The following TNFSF4 variants were observed in gnomAD, a reference collection of about 807,000 sequenced individuals.
The protein encoded by TNFSF4 is tumor necrosis factor ligand superfamily member 4.
Under a neutral mutation model 7.3 loss-of-function variants are expected in TNFSF4, and 4 were observed. The ratio of observed to expected loss-of-function variants is 0.55; its 90% CI spans 0.27 to 1.25. TNFSF4 has a LOEUF of 1.25. Among genes scored for constraint, TNFSF4 ranks in the 50% most tolerant of loss-of-function variants. The pLI, the probability that TNFSF4 is intolerant of heterozygous loss-of-function variation, is 0.12. For synonymous variants in TNFSF4, 76 were observed against 83.7 expected (o/e 0.91, Z 0.50); for missense variants, 181 against 208.8 (o/e 0.87, Z 0.82).
At chr1:173,356,097 T>C in the TNFSF4 span, among the ~76,000 whole-genome samples, 1 of 152,290 alleles carries the variant, frequency 6.6e-6, no homozygotes, top group South Asian at 2.1e-4. Context: ...ATTTCAGATA[T>C]TGACACATTT....
rs1167109613 is a variant in TNFSF4 at position 173,186,246 on chromosome 1, C to T, written c.*270G>A. ...GAAGAGGCATCTATTTTTTCTTTCT[C>T]ACAAAGGTGCCTAGTAGGCTCAAGG... On this transcript the variant is annotated 3_prime_UTR_variant, in exon 3 of 3. Coordinates refer to ENST00000281834, the MANE Select transcript of TNFSF4 (RefSeq NM_003326.5). 3 of 348,302 alleles carry T rather than the reference C, an allele frequency of 8.6e-6. No homozygotes were observed. The highest frequency in any genetic ancestry group is 1.6e-5 in the Non-Finnish European group (3 of 192,648). The allele number at this position is 348,302 out of a possible 1,614,324, so 21.6% of individuals were successfully genotyped here. A position where few individuals can be genotyped will look rare whatever the true frequency, so the allele number is the denominator to read the frequency against.
chr1:173,297,114 G>A, the TNFSF4 span, among the ~76,000 whole-genome samples: 1 of 151,954 alleles, frequency 6.6e-6, no homozygotes, highest in East Asian at 1.9e-4. Flanking sequence ...TAGTGGGAGA[G>A]AAAGATACAG....
the TNFSF4 span, among the ~76,000 whole-genome samples, chr1:173,393,059 G>A: frequency 2.0e-5 from 3 of 152,144 alleles, no homozygotes; most frequent in African/African-American, 4.8e-5. Context: ...TGAAGGAATC[G>A]AGGTGGAGTG....
At chr1:173,355,435 A>G in the TNFSF4 span, among the ~76,000 whole-genome samples, 2,616 of 152,302 alleles carry the variant, frequency 0.017, 84 homozygotes, top group African/African-American at 0.058. Context: ...GAGAAGACGT[A>G]CAACAATAAC....
the TNFSF4 span, among the ~76,000 whole-genome samples, chr1:173,231,721 C>G: frequency 6.6e-6 from 1 of 152,178 alleles, no homozygotes; most frequent in Admixed American, 6.5e-5. Context: ...ACCCCATCAT[C>G]TCAGCCCAAA....
chr1:173,384,276 A>G, the TNFSF4 span, among the ~76,000 whole-genome samples: 1 of 152,242 alleles, frequency 6.6e-6, no homozygotes, highest in Non-Finnish European at 1.5e-5. Context: ...GTAGCATATT[A>G]GTGGATGATA....
the TNFSF4 span, among the ~76,000 whole-genome samples, chr1:173,253,177 T>G: frequency 5.3e-5 from 8 of 152,230 alleles, no homozygotes; most frequent in Non-Finnish European, 1.2e-4. Context: ...AGTTTTCAGC[T>G]ATCAGGCTTT....
chr1:173,253,423 G>T, the TNFSF4 span, among the ~76,000 whole-genome samples: 31 of 152,336 alleles, frequency 2.0e-4, no homozygotes, highest in Non-Finnish European at 4.1e-4. Context: ...CTGGCAAAGG[G>T]TTCTCCTAGA....
At chr1:173,299,587 G>A in the TNFSF4 span, among the ~76,000 whole-genome samples, 13 of 151,856 alleles carry the variant, frequency 8.6e-5, no homozygotes, top group African/African-American at 2.9e-4. Context: ...ATTGCATTGT[G>A]TTTTAGCAAA....
At chr1:173,419,185 C>A in the TNFSF4 span, among the ~76,000 whole-genome samples, 1 of 151,752 alleles carries the variant, frequency 6.6e-6, no homozygotes, top group Non-Finnish European at 1.5e-5. Context: ...CAAAAAAATA[C>A]AAAAAAATTA....
In TNFSF4 at chr1:173,207,223, C is replaced by T. The variant is rs369775833; in HGVS notation, c.-47G>A. ...AAGATGAAGATATGGAAAAGGGGAA[C>T]GTGCGATAAAACTGAAGTTTTCCCC... On this transcript the variant is annotated 5_prime_UTR_variant, in exon 1 of 3. Coordinates refer to ENST00000281834, the MANE Select transcript of TNFSF4 (RefSeq NM_003326.5). 1.3e-5 allele frequency: 20 copies of T among 1,551,386 alleles called. No individual in the cohort carries two copies. The highest frequency in any genetic ancestry group is 2.3e-5 in the East Asian group (1 of 43,412).
In TNFSF4 at chr1:173,200,917, A is replaced by G. The variant is rs557213523; in HGVS notation, c.153+6107T>C. ...TCTGTCAAGAAGCATGTGTTCTTAA[A>G]TAGCATTTGCATGTTATCAAGCTAG... is the stretch of plus-strand genomic sequence containing the variant. On this transcript the variant is annotated intron_variant, in intron 1 of 2. Coordinates refer to ENST00000281834, the MANE Select transcript of TNFSF4 (RefSeq NM_003326.5). Among the ~76,000 whole-genome samples, 15 of 152,392 alleles carry G rather than the reference A, an allele frequency of 9.8e-5. 1 individual carries two copies. The South Asian group carries it at 3.1e-3, about 32-fold the overall frequency.
chr1:173,242,197 G>A, the TNFSF4 span, among the ~76,000 whole-genome samples: 1 of 152,114 alleles, frequency 6.6e-6, no homozygotes, highest in Non-Finnish European at 1.5e-5. Flanking sequence ...GTATTTTCCC[G>A]AGGATAAAGT....
At chr1:173,426,605 TTTTAC>T in the TNFSF4 span, among the ~76,000 whole-genome samples, 1 of 152,054 alleles carries the variant, frequency 6.6e-6, no homozygotes, top group East Asian at 1.9e-4. Context: ...TAAATTTTTA[TTTTAC>T]TTTGAGACAG....
the TNFSF4 span, among the ~76,000 whole-genome samples, chr1:173,442,505 T>C: frequency 1.3e-5 from 2 of 152,084 alleles, no homozygotes; most frequent in East Asian, 1.9e-4. Context: ...ACTCGGGTTT[T>C]TTTGTTTGTT....
At chr1:173,228,383 A>G in the TNFSF4 span, among the ~76,000 whole-genome samples, 1 of 152,244 alleles carries the variant, frequency 6.6e-6, no homozygotes, top group Admixed American at 6.5e-5. Context: ...TGTTAGAAAG[A>G]AAACTAACAA....
chr1:173,173,011 G>T, the TNFSF4 span, among the ~76,000 whole-genome samples: 1 of 152,110 alleles, frequency 6.6e-6, no homozygotes, highest in Admixed American at 6.6e-5. Flanking sequence ...AGTGAAGGAG[G>T]AAAAATCCCC....
chr1:173,362,214 CTGT>C, the TNFSF4 span, among the ~76,000 whole-genome samples: 1 of 152,166 alleles, frequency 6.6e-6, no homozygotes, highest in Non-Finnish European at 1.5e-5. Context: ...GGTTAACAGG[CTGT>C]TAAGGAAAGT....
chr1:173,194,922 A>T (rs184714820), intron 1 of TNFSF4, among the ~76,000 whole-genome samples: 1 of 150,802 alleles, frequency 6.6e-6, no homozygotes, highest in Admixed American at 6.6e-5. Context: ...ATAAAACCTT[A>T]TTGAGTACTT....
Sources: gnomAD v4.1 joint callset for allele counts (sites outside exome capture counted in the v4.1 genomes callset) on GRCh38, gnomAD v4.1.1 for gene constraint, MANE v1.5 for transcripts, NCBI Gene and HGNC (gene_info 2026-07-23, HGNC 2026-07-21) for gene names.